Variants in DHX57 observed in about 807,000 individuals in gnomAD.
The protein encoded by DHX57 is DExH-box helicase 57.
In DHX57, 105 loss-of-function variants were observed where a neutral mutation model predicts 156.2. The observed-to-expected ratio is 0.67, with a 90% CI of 0.57 to 0.79. The LOEUF (loss-of-function observed/expected upper bound fraction) is 0.79. DHX57 is among the 30% of genes least tolerant of loss of function. The probability of loss-of-function intolerance (pLI) is 0.00; values close to 1 mark genes in which losing one functional copy is unlikely to be tolerated. For missense variants in DHX57, 1,847 were observed against 1,661.9 expected (o/e 1.11, Z -1.94); for synonymous variants, 704 against 595.6 (o/e 1.18, Z -2.65).
At chr2:38,806,055 G>A (rs574322613) in intron 22 of DHX57, among the ~76,000 whole-genome samples, 2 of 152,202 alleles carry the variant, frequency 1.3e-5, no homozygotes, top group Non-Finnish European at 2.9e-5. Flanking sequence ...ACATCAAGGA[G>A]AATTTCAAGA....
intron 4 of DHX57, 38 bp downstream of exon 4, chr2:38,862,107 A>G (rs1673259157): frequency 6.5e-7 from 1 of 1,545,344 alleles, no homozygotes; most frequent in Non-Finnish European, 8.7e-7. Flanking sequence ...GTTTCCTTGA[A>G]TTCTTTCCCA....
rs760570768 is a variant in DHX57 at position 38,846,977 on chromosome 2, T to C, written c.2219+42A>G. The C allele has an allele frequency of 3.9e-6, 6 of 1,547,852 alleles. No individual in the cohort carries two copies. The Admixed American group carries it at 5.1e-5, about 13-fold the overall frequency. ...CTAGAATTACAGGGATGAACCACCA[T>C]GCCAGGTCCTTTCACTGAATCTTAA... On this transcript the variant is annotated intron_variant, in intron 11 of 23. Coordinates refer to ENST00000457308, the MANE Select transcript of DHX57 (RefSeq NM_198963.3).
chr2:38,810,010 C>T (rs1670158862), intron 21 of DHX57, among the ~76,000 whole-genome samples: 1 of 152,028 alleles, frequency 6.6e-6, no homozygotes, highest in Admixed American at 6.6e-5. Context: ...TCTTCTGCCT[C>T]AGCCTCCCAA....
intron 14 of DHX57, among the ~76,000 whole-genome samples, chr2:38,828,102 C>T (rs1168902404): frequency 2.0e-5 from 3 of 152,076 alleles, no homozygotes; most frequent in Non-Finnish European, 2.9e-5. Context: ...GTGATCCGCC[C>T]GCCTCGGCCT....
chr2:38,826,162 G>A lies in DHX57; in HGVS notation c.2814-115C>T. On this transcript the variant is annotated intron_variant, in intron 15 of 23. Coordinates refer to ENST00000457308, the MANE Select transcript of DHX57 (RefSeq NM_198963.3). Reference sequence around the variant, plus strand: ...CTCCTGTAGAGGGACACAGTGCCCTGTATATTCTGGGATAGTTGAGCCCCT... The same window carrying A: ...CTCCTGTAGAGGGACACAGTGCCCTATATATTCTGGGATAGTTGAGCCCCT... 3.6e-6 allele frequency: 4 copies of A among 1,100,998 alleles called. No individual in the cohort carries two copies. In the East Asian group the frequency reaches 7.8e-5, roughly 21 times the overall value. 68.2% of individuals were successfully genotyped at this position (1,100,998 alleles called of 1,614,324 possible).
intron 13 of DHX57, among the ~76,000 whole-genome samples, chr2:38,833,658 G>C (rs1175634085): frequency 6.6e-6 from 1 of 152,182 alleles, no homozygotes; most frequent in Non-Finnish European, 1.5e-5. Context: ...TCTGTGTTTA[G>C]TACAGTAGTA....
At chr2:38,812,706 T>C (rs1670313910) in intron 21 of DHX57, among the ~76,000 whole-genome samples, 1 of 149,072 alleles carries the variant, frequency 6.7e-6, no homozygotes, top group Admixed American at 6.7e-5. Flanking sequence ...GCTAATTTTG[T>C]ATTTTTAGTA....
Position 38,861,536 on chromosome 2 carries a change from C to A in DHX57, c.874G>T (p.Glu292Ter), listed in dbSNP as rs1484481718. 2 of 1,614,108 alleles carry A rather than the reference C, an allele frequency of 1.2e-6. No homozygotes were observed. ...TSRFRKSKPK[E>*]STKNVQENSL... Reference sequence around the variant, plus strand: ...TTCTCTTGTACATTTTTGGTACTTTCTTTTGGCTTGGATTTGCGGAATCTA... The same window carrying A: ...TTCTCTTGTACATTTTTGGTACTTTATTTTGGCTTGGATTTGCGGAATCTA... Residue 292 changes from glutamate to a stop codon, truncating the protein, a stop_gained, in exon 5 of 24, where the codon GAA becomes TAA. Transcript: ENST00000457308. LOFTEE classifies it high-confidence loss of function.
At chr2:38,850,415 G>T (rs1457730532) in intron 9 of DHX57, among the ~76,000 whole-genome samples, 1 of 151,890 alleles carries the variant, frequency 6.6e-6, no homozygotes. Flanking sequence ...GAGTAGCTGG[G>T]GCTAATTTTT....
chr2:38,806,541 A>T lies in DHX57; in HGVS notation c.3816+18T>A, dbSNP rs763597163. On this transcript the variant is annotated intron_variant, in intron 22 of 23. Transcript: ENST00000457308. The stretch of plus-strand genomic sequence containing the variant: ...CCAGGACGACCTGTAAACATTAAGT[A>T]TACTCCACCATTCTGACCTGATAGT... The T allele has an allele frequency of 1.2e-6, 2 of 1,612,486 alleles. No homozygotes were observed.
At chr2:38,819,326 C>T (rs879647614) in intron 17 of DHX57, among the ~76,000 whole-genome samples, 182 bp from the exon 18 acceptor site, 3 of 152,100 alleles carry the variant, frequency 2.0e-5, no homozygotes, top group African/African-American at 7.2e-5. Flanking sequence ...AGGTGTGCCC[C>T]ATCAGGCCAG....
In DHX57 at chr2:38,855,127, C is replaced by T. The variant is rs141054985; in HGVS notation, c.1835G>A (p.Arg612His). The change falls in exon 8 of 24, where the codon CGC becomes CAC. Residue 612 changes from arginine to histidine, a missense_variant. Coordinates refer to ENST00000457308, the MANE Select transcript of DHX57 (RefSeq NM_198963.3). ...CCTCTCTGCTCTTTCTTTAGCAACG[C>T]GTTCAGCAACAGAGATTGCAGAGAT... ...RRISAISVAE[R>H]VAKERAERVG... is the part of the protein sequence containing the mutation. 1.3e-3 allele frequency: 2,049 copies of T among 1,614,074 alleles called. 5 individuals carry two copies. The highest frequency in any genetic ancestry group is 1.4e-3 in the Non-Finnish European group (1,688 of 1,180,032).
intron 12 of DHX57, 48 bp downstream of exon 12, chr2:38,842,957 C>G: frequency 6.3e-7 from 1 of 1,577,702 alleles, no homozygotes; most frequent in Non-Finnish European, 8.7e-7. Flanking sequence ...AGAAAGAATA[C>G]TAGAAATCTT....
chr2:38,801,971 C>T (rs1434854244), intron 23 of DHX57, among the ~76,000 whole-genome samples: 3 of 152,100 alleles, frequency 2.0e-5, no homozygotes, highest in Admixed American at 2.0e-4. Flanking sequence ...ATAATTGAGA[C>T]CTGAGAATAA....
chr2:38,853,044 G>GTTTTCTTTTTC (rs1553333761), intron 9 of DHX57: 1 of 153,066 alleles, frequency 6.5e-6, no homozygotes, highest in Non-Finnish European at 1.3e-5. Flanking sequence ...TCATATTTCA[G>GTTTTCTTTTTC]TTTTCTTTTC....
In DHX57 at chr2:38,861,117, C is replaced by G. The variant is rs770896479; in HGVS notation, c.1293G>C (p.Lys431Asn). 7 of 1,614,070 alleles carry G rather than the reference C, an allele frequency of 4.3e-6. No individual in the cohort carries two copies. The South Asian group carries it at 6.6e-5, about 15-fold the overall frequency. ...GAAAGTTCACAGGAGGGTCACTATA[C>G]TTGTGGTGGGTATTCGTTAGTAACT... ...IVKLLTNTHH[K>N]YSDPPVNFLP... Residue 431 changes from lysine (K) to asparagine (N), a missense_variant, in exon 5 of 24, where the codon AAG becomes AAC. Lys to Asn is a moderately conservative substitution (Grantham distance 94). Coordinates refer to ENST00000457308, the MANE Select transcript of DHX57 (RefSeq NM_198963.3).
chr2:38,846,815 G>A (rs1023410553), intron 11 of DHX57, among the ~76,000 whole-genome samples: 1 of 151,688 alleles, frequency 6.6e-6, no homozygotes, highest in Non-Finnish European at 1.5e-5. Context: ...CTGGCACATT[G>A]AGGGTCAAAT....
Position 38,828,438 on chromosome 2 carries a change from TG to T in DHX57, c.2543-3del, listed in dbSNP as rs1671217276. 2 of 1,602,962 alleles carry T rather than the reference TG, an allele frequency of 1.2e-6. No individual in the cohort carries two copies. Among genetic ancestry groups the T allele is most frequent in the Non-Finnish European group, 8.5e-7 (1 of 1,174,594 alleles). On this transcript the variant is annotated splice_polypyrimidine_tract_variant and splice_region_variant and intron_variant, in intron 13 of 23. Coordinates refer to ENST00000457308, the MANE Select transcript of DHX57 (RefSeq NM_198963.3). ...CTGGTAAAAATACAAGTATAGCACCTGGGTATATAAAAAGAATCAATATGTG... is the reference window on the plus strand; with the variant it reads ...CTGGTAAAAATACAAGTATAGCACCTGGTATATAAAAAGAATCAATATGTG...
chr2:38,866,046 TA>T (rs1198645002), intron 2 of DHX57, among the ~76,000 whole-genome samples: 2 of 151,032 alleles, frequency 1.3e-5, no homozygotes, highest in Non-Finnish European at 2.9e-5. Context: ...TTCTGCTGGC[TA>T]AGCCATGATC....
Sources: allele counts gnomAD v4.1 joint callset (sites outside exome capture counted in the v4.1 genomes callset), GRCh38; gene constraint gnomAD v4.1.1; transcripts MANE v1.5; gene names NCBI Gene and HGNC (gene_info 2026-07-23, HGNC 2026-07-21).